Variants in INSL6 observed in about 807,000 individuals in gnomAD.
INSL6 encodes the protein insulin-like peptide INSL6.
INSL6 carries 16 observed loss-of-function variants against 9.4 expected under a neutral mutation model. That is an observed-to-expected ratio of 1.70 (90% CI 1.15 to 2.59). INSL6 has a LOEUF of 2.59. Ranked by LOEUF, INSL6 falls within the 30% of genes most tolerant of loss-of-function variation. INSL6 has a pLI of 0.00. For missense variants in INSL6, 391 were observed against 257.3 expected, an observed-to-expected ratio of 1.52 and a Z score of -3.56; for synonymous variants, 154 against 96.9, an observed-to-expected ratio of 1.59 and a Z score of -3.46.
chr9:5,116,257 A>G, the INSL6 span, among the ~76,000 whole-genome samples: 18 of 152,290 alleles, frequency 1.2e-4, no homozygotes, highest in Non-Finnish European at 2.5e-4. Flanking sequence ...TTAAACCCAA[A>G]AAGTCTGATC....
chr9:5,074,982 AAC>A, the INSL6 span, among the ~76,000 whole-genome samples: 12 of 152,324 alleles, frequency 7.9e-5, no homozygotes, highest in South Asian at 4.1e-4. Flanking sequence ...AAGAAAGTGA[AAC>A]AGTCTTATTG....
the INSL6 span, chr9:5,069,994 G>C: frequency 1.2e-6 from 2 of 1,608,316 alleles, no homozygotes; most frequent in African/African-American, 1.3e-5. Flanking sequence ...ACATTACAGA[G>C]GCCTACTCAT....
the INSL6 span, among the ~76,000 whole-genome samples, chr9:5,068,792 C>A: frequency 2.6e-3 from 397 of 152,296 alleles, 5 homozygotes; most frequent in African/African-American, 9.0e-3. Context: ...TCATTGCCTT[C>A]TTACATGCTT....
chr9:5,091,951 A>T, the INSL6 span, among the ~76,000 whole-genome samples: 1 of 152,230 alleles, frequency 6.6e-6, no homozygotes, highest in Non-Finnish European at 1.5e-5. Context: ...GGGATGAAGT[A>T]GGGATAATAC....
At chr9:5,061,089 A>G in the INSL6 span, among the ~76,000 whole-genome samples, 1 of 152,232 alleles carries the variant, frequency 6.6e-6, no homozygotes, top group Non-Finnish European at 1.5e-5. Flanking sequence ...TCAGTAAACC[A>G]TGCTATAAAC....
At chr9:5,169,534 T>C (rs958227389) in intron 1 of INSL6, among the ~76,000 whole-genome samples, 1 of 152,080 alleles carries the variant, frequency 6.6e-6, no homozygotes, top group Non-Finnish European at 1.5e-5. Flanking sequence ...ATATTAACCT[T>C]AAATGTAAAT....
chr9:5,086,320 C>G, the INSL6 span, among the ~76,000 whole-genome samples: 5 of 152,166 alleles, frequency 3.3e-5, no homozygotes, highest in South Asian at 2.1e-4. Flanking sequence ...TTCTTTATAT[C>G]CTTTACCTTC....
downstream of INSL6, among the ~76,000 whole-genome samples, chr9:5,120,189 C>A (rs1206122190): frequency 6.6e-6 from 1 of 152,230 alleles, no homozygotes; most frequent in Non-Finnish European, 1.5e-5. Context: ...CATGTCCTCA[C>A]ATGGACAAAA....
At chr9:5,070,117 T>A in the INSL6 span, 1 of 1,159,458 alleles carries the variant, frequency 8.6e-7, no homozygotes, top group African/African-American at 1.5e-5. Context: ...TTTTCTTGAT[T>A]TACATTCATG....
intron 2 of INSL6, among the ~76,000 whole-genome samples, chr9:5,143,657 G>A (rs1307336440): frequency 7.3e-6 from 1 of 136,970 alleles, no homozygotes; most frequent in Non-Finnish European, 1.6e-5. Context: ...TCCTGGATTT[G>A]TTAATCTTTT....
the INSL6 span, among the ~76,000 whole-genome samples, chr9:5,045,014 A>G: frequency 6.6e-6 from 1 of 152,200 alleles, no homozygotes; most frequent in African/African-American, 2.4e-5. Flanking sequence ...TCTAAGAGCT[A>G]TATTCAAGTT....
At chr9:5,073,572 G>T in the INSL6 span, 2 of 727,642 alleles carry the variant, frequency 2.7e-6, no homozygotes, top group African/African-American at 1.8e-5. Context: ...AAAGCACATT[G>T]TATCCTCATC....
chr9:5,061,401 C>T, the INSL6 span, among the ~76,000 whole-genome samples: 1 of 152,240 alleles, frequency 6.6e-6, no homozygotes, highest in Non-Finnish European at 1.5e-5. Flanking sequence ...CATCAATGGT[C>T]CTTACTAGAT....
chr9:5,025,550 T>TC, the INSL6 span, among the ~76,000 whole-genome samples: 1 of 151,734 alleles, frequency 6.6e-6, no homozygotes, highest in African/African-American at 2.4e-5. Flanking sequence ...TTTTTTTTTT[T>TC]TGAGACTGAG....
chr9:5,002,375 TA>T, the INSL6 span, among the ~76,000 whole-genome samples: 1 of 152,128 alleles, frequency 6.6e-6, no homozygotes, highest in East Asian at 1.9e-4. Context: ...ATTTCCCTTT[TA>T]ATTTCTTCTT....
chr9:5,113,191 CTTTTTTTTTTTTT>C, the INSL6 span, among the ~76,000 whole-genome samples: 7 of 57,160 alleles, frequency 1.2e-4, 1 homozygote, highest in African/African-American at 2.5e-4. Context: ...CTGGCAGGAG[CTTTTTTTTTTTTT>C]TTTTTTTTTT....
chr9:5,178,489 C>A (rs1825369999), intron 1 of INSL6, among the ~76,000 whole-genome samples: 1 of 152,192 alleles, frequency 6.6e-6, no homozygotes, highest in South Asian at 2.1e-4. Context: ...GAGGCTTCAG[C>A]CACTCCAGCC....
At chr9:5,104,625 A>G in the INSL6 span, among the ~76,000 whole-genome samples, 2 of 152,318 alleles carry the variant, frequency 1.3e-5, no homozygotes, top group Admixed American at 1.3e-4. Flanking sequence ...TTTTAGACCA[A>G]TATCCCTGAT....
At chr9:5,173,776 TAA>T (rs200177613) in intron 1 of INSL6, among the ~76,000 whole-genome samples, 25 of 141,300 alleles carry the variant, frequency 1.8e-4, no homozygotes, top group East Asian at 8.1e-4. Flanking sequence ...AAAATAAAAT[TAA>T]AAAAAAAAAA....
Sources: gnomAD v4.1 joint callset for allele counts (sites outside exome capture counted in the v4.1 genomes callset) on GRCh38, gnomAD v4.1.1 for gene constraint, MANE v1.5 for transcripts, NCBI Gene and HGNC (gene_info 2026-07-23, HGNC 2026-07-21) for gene names.